Variants in NDUFS2 observed in about 807,000 individuals in gnomAD.
NDUFS2 encodes the protein NADH dehydrogenase [ubiquinone] iron-sulfur protein 2, mitochondrial.
A neutral mutation model predicts 69.6 loss-of-function variants in NDUFS2; 38 were observed. That is an observed-to-expected ratio of 0.55 (90% CI 0.42 to 0.72). The LOEUF is 0.72. Ranked by LOEUF, NDUFS2 falls within the 30% of genes least tolerant of loss-of-function variation. The pLI is 0.00. For missense variants in NDUFS2, 468 were observed against 595.0 expected (o/e 0.79, Z 2.22); for synonymous variants, 194 against 211.2 (o/e 0.92, Z 0.70).
At chr1:161,212,501 A>G (rs774480475) in intron 10 of NDUFS2, 21 bp downstream of exon 10, 8 of 1,609,082 alleles carry the variant, frequency 5.0e-6, no homozygotes, top group South Asian at 4.4e-5. Context: ...GGGAGGGGGA[A>G]AGTGTGGGGT....
At chr1:161,205,437 T>C (rs1665408231) in intron 2 of NDUFS2, among the ~76,000 whole-genome samples, 1 of 152,232 alleles carries the variant, frequency 6.6e-6, no homozygotes, top group African/African-American at 2.4e-5. Flanking sequence ...TTCTCCCTTC[T>C]AGCTATCTAA....
rs778922633 is a variant in NDUFS2 at position 161,206,556 on chromosome 1, C to T, written c.352C>T (p.Arg118Ter). ...KCDPHIGLLH[R>*]GTEKLIEYKT... is the part of the protein sequence containing the mutation. ...TGATCCTCACATCGGGCTCCTGCAC[C>T]GAGGCACTGAGAAGCTCATTGAATA... is the stretch of plus-strand genomic sequence containing the variant. The change falls in exon 3 of 14, where the codon CGA becomes TGA. Residue 118 changes from arginine to a stop codon, truncating the protein, a stop_gained. Transcript: ENST00000676972. LOFTEE classifies it high-confidence loss of function. 6.2e-7 allele frequency: 1 copy of T among 1,614,022 alleles called. No individual in the cohort carries two copies. The highest frequency in any genetic ancestry group is 8.5e-7 in the Non-Finnish European group (1 of 1,180,030).
chr1:161,207,778 T>C (rs566205119), intron 3 of NDUFS2, among the ~76,000 whole-genome samples: 5 of 151,386 alleles, frequency 3.3e-5, no homozygotes, highest in Non-Finnish European at 5.9e-5. Flanking sequence ...CTCTTAAGAC[T>C]GATTGCCTTT....
At chr1:161,203,622 G>A in intron 2 of NDUFS2, 79 bp downstream of exon 2, 4 of 1,213,164 alleles carry the variant, frequency 3.3e-6, no homozygotes, top group South Asian at 1.3e-5. Context: ...TTGAGACAGG[G>A]TTTCCCTCTG....
chr1:161,198,748 C>T, upstream of NDUFS2: 1 of 939,236 alleles, frequency 1.1e-6, no homozygotes. This position sits in a 1 kb window ranked among gnomAD's most constrained non-coding sequence, Gnocchi z 4.7. Flanking sequence ...AGGTCAGAGG[C>T]AAAGTTTTCA....
At position 161,209,947 on chromosome 1, in the gene NDUFS2, G is replaced by C; in HGVS notation, c.702+16G>C. ...AGTGCACCAGGTGAGCAGGTCCCCG[G>C]CTTCCCCAAATGTCCAGCCCAGGCC... On this transcript the variant is annotated intron_variant, in intron 6 of 13. Coordinates refer to ENST00000676972, the MANE Select transcript of NDUFS2 (RefSeq NM_001377299.1). The C allele has an allele frequency of 6.2e-7, 1 of 1,613,886 alleles. No individual in the cohort carries two copies. The highest frequency in any genetic ancestry group is 8.5e-7 in the Non-Finnish European group (1 of 1,179,946).
chr1:161,212,562 T>C lies in NDUFS2; in HGVS notation c.1116+82T>C, dbSNP rs2102054442. On this transcript the variant is annotated intron_variant, in intron 10 of 13. Transcript: ENST00000676972. ...AGGAGTATCCTTGGATTAAATCCTA[T>C]CTTTTGGTTTTCTTTTTTTTTTGAG... is the stretch of plus-strand genomic sequence containing the variant. The C allele has an allele frequency of 2.6e-6, 4 of 1,552,094 alleles. No individual in the cohort carries two copies. In the East Asian group the frequency reaches 6.9e-5, roughly 27 times the overall value.
chr1:161,212,907 A>AT (rs796201170), intron 10 of NDUFS2, among the ~76,000 whole-genome samples: 9 of 151,218 alleles, frequency 6.0e-5, no homozygotes, highest in Admixed American at 2.0e-4. Context: ...GGTTTTTTTT[A>AT]TTTTTTTATT....
At chr1:161,212,241 G>A in intron 9 of NDUFS2, 110 bp from the exon 10 acceptor site, 1 of 1,356,556 alleles carries the variant, frequency 7.4e-7, no homozygotes, top group South Asian at 1.2e-5. Flanking sequence ...TTGGAGAAAA[G>A]AGTGGGGAGA....
At chr1:161,197,907 G>T, upstream of NDUFS2, 9 of 1,500,500 alleles carry the variant, frequency 6.0e-6, no homozygotes, top group Non-Finnish European at 7.1e-6. Flanking sequence ...GGCCAGAAGT[G>T]TAAGTGGGTG....
chr1:161,212,397 GCA>G lies in NDUFS2; in HGVS notation c.1036_1037del (p.Gln346ValfsTer13), dbSNP rs1233653722. The G allele has an allele frequency of 6.2e-7, 1 of 1,613,586 alleles. No homozygotes were observed. The highest frequency in any genetic ancestry group is 1.3e-5 in the African/African-American group (1 of 74,868). ...GATGCGCCAGTCCCTGAGAATTATC[GCA>G]CAGTGTCTAAACAAGATGCCTCCTG... ...EEMRQSLRII[A>X]QCLNKMPPGE... On this transcript the variant is annotated frameshift_variant, in exon 10 of 14. Coordinates refer to ENST00000676972, the MANE Select transcript of NDUFS2 (RefSeq NM_001377299.1). LOFTEE classifies it high-confidence loss of function.
At chr1:161,202,306 A>C, upstream of NDUFS2, 7 of 1,397,522 alleles carry the variant, frequency 5.0e-6, no homozygotes, top group Non-Finnish European at 6.0e-6. Flanking sequence ...CACTGTGCGA[A>C]TAGGTGAGAA....
upstream of NDUFS2, among the ~76,000 whole-genome samples, chr1:161,199,860 C>T (rs867547237): frequency 6.6e-6 from 1 of 150,776 alleles, no homozygotes; most frequent in Non-Finnish European, 1.5e-5. Context: ...ACAGCCATTC[C>T]GCCTCCATTT....
At chr1:161,202,292 G>A, upstream of NDUFS2, 1 of 1,251,682 alleles carries the variant, frequency 8.0e-7, no homozygotes, top group South Asian at 1.3e-5. Context: ...CAAGAGGGCG[G>A]CTTCACTGTG....
chr1:161,209,717 T>G, intron 5 of NDUFS2, 122 bp downstream of exon 5: 1 of 1,220,860 alleles, frequency 8.2e-7, no homozygotes, highest in Non-Finnish European at 1.2e-6. Flanking sequence ...GGGGAAGGTA[T>G]GTTTAACTTG....
intron 1 of NDUFS2, 25 bp from the exon 2 acceptor site, chr1:161,203,412 C>T: frequency 6.2e-7 from 1 of 1,601,890 alleles, no homozygotes; most frequent in Non-Finnish European, 8.6e-7. Context: ...GGCCCTTTGT[C>T]TAGGATCTGT....
intron 2 of NDUFS2, chr1:161,203,802 A>G (rs1189004152): frequency 2.1e-6 from 1 of 468,564 alleles, no homozygotes; most frequent in Non-Finnish European, 4.0e-6. Flanking sequence ...GAGTCTTGCT[A>G]TGTTGACCAG....
chr1:161,213,943 A>G (rs770864332), intron 13 of NDUFS2, 22 bp downstream of exon 13: 2 of 1,614,172 alleles, frequency 1.2e-6, no homozygotes, highest in South Asian at 2.2e-5. Flanking sequence ...ATTGTGTAGT[A>G]GAGGTATCCT....
Position 161,209,891 on chromosome 1 carries a change from G to A in NDUFS2, c.662G>A (p.Arg221Gln), listed in dbSNP as rs779304916. The A allele has an allele frequency of 1.9e-6, 3 of 1,614,046 alleles. No homozygotes were observed. Among genetic ancestry groups the A allele is most frequent in the Non-Finnish European group, 1.7e-6 (2 of 1,180,006 alleles). ...TTCTACGAGCGAGTGTCTGGAGCCC[G>A]AATGCATGCTGCTTATATCCGGCCA... Reference protein sequence around the residue: ...FEFYERVSGARMHAAYIRPGG... With the variant: ...FEFYERVSGAQMHAAYIRPGG... Residue 221 changes from arginine (R) to glutamine (Q), a missense_variant, in exon 6 of 14, where the codon CGA becomes CAA. By Grantham distance (43) the Arg-to-Gln change is conservative. Coordinates refer to ENST00000676972, the MANE Select transcript of NDUFS2 (RefSeq NM_001377299.1).
Sources: allele counts gnomAD v4.1 joint callset (sites outside exome capture counted in the v4.1 genomes callset), GRCh38; gene constraint gnomAD v4.1.1; non-coding constraint Gnocchi (gnomAD v3.1); transcripts MANE v1.5; gene names NCBI Gene and HGNC (gene_info 2026-07-23, HGNC 2026-07-21).